Variants in PCDH15 observed in about 807,000 individuals in gnomAD.
PCDH15 encodes protocadherin related 15.
PCDH15 carries 129 observed loss-of-function variants against 178.5 expected under a neutral mutation model. The observed-to-expected ratio is 0.72, with a 90% CI of 0.63 to 0.84. The LOEUF (loss-of-function observed/expected upper bound fraction) is 0.84. PCDH15 is among the 40% of genes least tolerant of loss of function. The pLI is 0.00. For missense variants in PCDH15, 2,230 were observed against 2,099.9 expected (o/e 1.06, Z -1.21); for synonymous variants, 800 against 732.0 (o/e 1.09, Z -1.50).
chr10:53,830,980 G>T (rs548797056), intron 30 of PCDH15, among the ~76,000 whole-genome samples: 1 of 152,220 alleles, frequency 6.6e-6, no homozygotes, highest in African/African-American at 2.4e-5. Context: ...ACATTCCATT[G>T]CTTTTACCCC....
intron 15 of PCDH15, among the ~76,000 whole-genome samples, chr10:54,128,340 G>A (rs1282688219): frequency 1.3e-5 from 2 of 152,022 alleles, no homozygotes; most frequent in Non-Finnish European, 2.9e-5. Flanking sequence ...TGAGATTTAC[G>A]GATCCAGGCA....
chr10:54,998,614 T>C (rs1839709809), intron 2 of PCDH15, among the ~76,000 whole-genome samples: 1 of 152,168 alleles, frequency 6.6e-6, no homozygotes, highest in Non-Finnish European at 1.5e-5. Flanking sequence ...TTTATGAAGG[T>C]AAAATAAGAA....
At chr10:54,672,401 G>A (rs968140094) in intron 1 of PCDH15, among the ~76,000 whole-genome samples, 1 of 152,052 alleles carries the variant, frequency 6.6e-6, no homozygotes, top group African/African-American at 2.4e-5. Flanking sequence ...TGCTTCTAAT[G>A]TGTAGAATAT....
At chr10:55,437,834 T>TTG (rs1839079645) in intron 2 of PCDH15, among the ~76,000 whole-genome samples, 1 of 142,318 alleles carries the variant, frequency 7.0e-6, no homozygotes, top group Middle Eastern at 3.6e-3. Flanking sequence ...TTGCTTTTCT[T>TTG]TTTTTTTTTT....
chr10:55,156,832 T>C (rs1216646999), intron 2 of PCDH15, among the ~76,000 whole-genome samples: 1 of 152,010 alleles, frequency 6.6e-6, no homozygotes, highest in South Asian at 2.1e-4. Flanking sequence ...CAGAGAGAGG[T>C]TGGTGACTGT....
rs573004114 is a variant in PCDH15, at chr10:55,578,529, T to A, written c.-156+49096A>T. 1.2e-3 allele frequency among the ~76,000 whole-genome samples: 187 copies of A among 152,242 alleles called. 2 individuals carry two copies. The highest frequency in any genetic ancestry group is 4.1e-3 in the African/African-American group (169 of 41,572). ...CCACTGCGCCCGGCCTGAAACACAG[T>A]ATTTTAAAGTGATAATTCCCAATGT... On this transcript the variant is annotated intron_variant, in intron 2 of 5. Transcript: ENST00000613346.
intron 2 of PCDH15, among the ~76,000 whole-genome samples, chr10:54,555,255 G>A (rs2087057690): frequency 6.6e-6 from 1 of 152,104 alleles, no homozygotes; most frequent in South Asian, 2.1e-4. Flanking sequence ...TTTAGGAGAT[G>A]AGTATTTGCA....
intron 1 of PCDH15, among the ~76,000 whole-genome samples, chr10:55,292,507 G>C (rs1843031226): frequency 6.6e-6 from 1 of 151,960 alleles, no homozygotes; most frequent in Non-Finnish European, 1.5e-5. Flanking sequence ...TCAGCTCCTG[G>C]AGTAGCTGAT....
At chr10:54,881,925 G>A (rs567745962) in intron 3 of PCDH15, among the ~76,000 whole-genome samples, 38 of 152,184 alleles carry the variant, frequency 2.5e-4, no homozygotes, top group East Asian at 3.9e-4. Flanking sequence ...TATATACAGC[G>A]CAGTAGTAAT....
At chr10:55,032,959 T>A (rs140213823) in intron 2 of PCDH15, among the ~76,000 whole-genome samples, 150 of 152,198 alleles carry the variant, frequency 9.9e-4, no homozygotes, top group African/African-American at 3.5e-3. Flanking sequence ...TCAGTTGTGG[T>A]GTAGGTGGCC....
At chr10:55,515,553 G>A (rs2132157055) in intron 2 of PCDH15, among the ~76,000 whole-genome samples, 1 of 151,756 alleles carries the variant, frequency 6.6e-6, no homozygotes, top group African/African-American at 2.4e-5. Flanking sequence ...AGCAGATCTA[G>A]TATTATCTTT....
chr10:54,848,412 A>G (rs1953551468), intron 3 of PCDH15, among the ~76,000 whole-genome samples: 1 of 150,272 alleles, frequency 6.7e-6, no homozygotes, highest in South Asian at 2.1e-4. Flanking sequence ...AAGCTAATTA[A>G]TTAATCAGTT....
In PCDH15 at chr10:54,369,290, T is replaced by G. The variant is rs1313132799; in HGVS notation, c.319-15A>C. ...TTCATCGGTGGCTGCAATGTAGAAA[T>G]TGCATCTTTTAAAATACTAATTAAA... On this transcript the variant is annotated splice_polypyrimidine_tract_variant and intron_variant, in intron 4 of 37. Transcript: ENST00000644397. 5 of 1,611,028 alleles carry G rather than the reference T, an allele frequency of 3.1e-6. No homozygotes were observed. In the African/African-American group the frequency reaches 6.7e-5, roughly 22 times the overall value.
chr10:54,264,158 T>C (rs1205994345), intron 8 of PCDH15, among the ~76,000 whole-genome samples: 2 of 152,120 alleles, frequency 1.3e-5, no homozygotes, highest in Admixed American at 1.3e-4. Flanking sequence ...TGGCCTATTG[T>C]GGGACTTTAA....
upstream of PCDH15, among the ~76,000 whole-genome samples, chr10:54,805,691 T>C (rs1952768074): frequency 6.6e-6 from 1 of 152,196 alleles, no homozygotes; most frequent in African/African-American, 2.4e-5. Flanking sequence ...TTAATACTTG[T>C]CTCTGCTGAG....
chr10:54,430,048 C>T (rs935702500), intron 3 of PCDH15, among the ~76,000 whole-genome samples: 2 of 129,842 alleles, frequency 1.5e-5, no homozygotes, highest in South Asian at 2.3e-4. Flanking sequence ...TCCTTCTTCT[C>T]CTTTTTTTTT....
At chr10:54,164,520 T>C (rs1168509426) in intron 13 of PCDH15, among the ~76,000 whole-genome samples, 1 of 152,154 alleles carries the variant, frequency 6.6e-6, no homozygotes, top group Admixed American at 6.5e-5. Context: ...TCAACACTTA[T>C]AAAAAGGCAG....
chr10:55,432,070 A>G (rs1054829586), intron 2 of PCDH15, among the ~76,000 whole-genome samples: 8 of 125,258 alleles, frequency 6.4e-5, no homozygotes, highest in South Asian at 2.5e-4. Context: ...GGATAGGCAG[A>G]GCTATCATTT....
intron 15 of PCDH15, among the ~76,000 whole-genome samples, chr10:54,095,289 T>A (rs959240829): frequency 6.6e-6 from 1 of 152,088 alleles, no homozygotes; most frequent in African/African-American, 2.4e-5. Flanking sequence ...AATGTTATAA[T>A]ATTTAAATAA....
Sources: allele counts gnomAD v4.1 joint callset (sites outside exome capture counted in the v4.1 genomes callset), GRCh38; gene constraint gnomAD v4.1.1; transcripts MANE v1.5; gene names NCBI Gene and HGNC (gene_info 2026-07-23, HGNC 2026-07-21).